SV2B: variants seen among roughly 807,000 people sequenced by gnomAD.
SV2B encodes solute carrier family 22 member B2.
In SV2B, 41 loss-of-function variants were observed where a neutral mutation model predicts 73.9. That is an observed-to-expected ratio of 0.56 (90% CI 0.43 to 0.72). The LOEUF is 0.72. SV2B is among the 30% of genes least tolerant of loss of function. The pLI, the probability that SV2B is intolerant of heterozygous loss-of-function variation, is 0.00. For missense variants in SV2B, 764 were observed against 857.8 expected, an observed-to-expected ratio of 0.89 and a Z score of 1.37; for synonymous variants, 314 against 314.2, an observed-to-expected ratio of 1.00 and a Z score of 0.01.
At chr15:91,169,464 G>A (rs1403752476) in intron 1 of SV2B, among the ~76,000 whole-genome samples, 2 of 146,076 alleles carry the variant, frequency 1.4e-5, no homozygotes, top group Admixed American at 7.0e-5. Flanking sequence ...TATTTAAGGA[G>A]AACTTAGTAA....
intron 1 of SV2B, chr15:91,102,031 C>G (rs1483722234): frequency 6.6e-6 from 1 of 152,154 alleles, no homozygotes; most frequent in Non-Finnish European, 1.5e-5. Flanking sequence ...CTGTTCTTGT[C>G]CCAGCCCAGT....
rs1436837464 is a variant in SV2B, at chr15:91,281,983, A to G, written c.1507+122A>G. On this transcript the variant is annotated intron_variant, in intron 10 of 12. Coordinates refer to ENST00000394232, the MANE Select transcript of SV2B (RefSeq NM_001323032.3). The surrounding 1 kb of genome is among the most constrained non-coding windows in gnomAD (Gnocchi z 4.7). ...AAAGTATTCGTAGATACAAATGCCA[A>G]GCCTTGGTGGGGAAATGGATTTTAG... 15 of 1,195,330 alleles carry G rather than the reference A, an allele frequency of 1.3e-5. No individual in the cohort carries two copies. The highest frequency in any genetic ancestry group is 1.7e-5 in the Non-Finnish European group (15 of 893,912). 74.0% of individuals were successfully genotyped at this position (1,195,330 alleles called of 1,614,324 possible).
chr15:91,147,800 G>T (rs2043187578), intron 1 of SV2B, among the ~76,000 whole-genome samples: 1 of 151,972 alleles, frequency 6.6e-6, no homozygotes, highest in African/African-American at 2.4e-5. Context: ...AGATATTGGG[G>T]CTGGTCTTAT....
At position 91,118,611 on chromosome 15, in the gene SV2B, C is replaced by T. The variant is rs1164781514; in HGVS notation, c.-392+18248C>T. Among the ~76,000 whole-genome samples the T allele has an allele frequency of 1.3e-5, 2 of 152,186 alleles. No homozygotes were observed. Among genetic ancestry groups the T allele is most frequent in the Non-Finnish European group, 2.9e-5 (2 of 68,014 alleles). ...GTGTGGACAGCTGGAGGGTCTGAAG[C>T]GGGACCCAGCTGCCCCTTTCTGAGA... On this transcript the variant is annotated intron_variant, in intron 1 of 12. Transcript: ENST00000394232. The surrounding 1 kb of genome is among the most constrained non-coding windows in gnomAD (Gnocchi z 4.7).
At position 91,296,918 on chromosome 15, in the gene SV2B, CTTCTGCCCGATCGTTGGGAGCACGCTCA is replaced by C. The variant is rs2049266299; in HGVS notation, c.*4378_*4405del. ...CTGCCCGATCGTTGGGCGCATGCTC[CTTCTGCCCGATCGTTGGGAGCACGCTCA>C]TTCTGCCCGATTGTTGGGAGCACGC... On this transcript the variant is annotated 3_prime_UTR_variant, in exon 13 of 13. Transcript: ENST00000394232. 1.3e-5 allele frequency: 2 copies of C among 149,636 alleles called. No homozygotes were observed. Among genetic ancestry groups the C allele is most frequent in the Admixed American group, 6.7e-5 (1 of 14,956 alleles). The allele number at this position is 149,636 out of a possible 1,614,324, so 9.3% of individuals were successfully genotyped here. A position where few individuals can be genotyped will look rare whatever the true frequency, so the allele number is the denominator to read the frequency against.
intron 1 of SV2B, among the ~76,000 whole-genome samples, chr15:91,152,583 CAT>C (rs1303140709): frequency 6.6e-6 from 1 of 152,164 alleles, no homozygotes; most frequent in Non-Finnish European, 1.5e-5. Flanking sequence ...GTATTGCTTT[CAT>C]ATATTCAAAG....
chr15:91,285,496 C>T (rs777370710), intron 11 of SV2B, among the ~76,000 whole-genome samples: 1 of 152,194 alleles, frequency 6.6e-6, no homozygotes, highest in Non-Finnish European at 1.5e-5. Context: ...GCCCCAAACA[C>T]CAAGCTTTCA....
chr15:91,226,396 A>G lies in SV2B; in HGVS notation c.133A>G (p.Ile45Val). 1.2e-6 allele frequency: 2 copies of G among 1,614,168 alleles called. No individual in the cohort carries two copies. Among genetic ancestry groups the G allele is most frequent in the Non-Finnish European group, 1.7e-6 (2 of 1,180,012 alleles). The change falls in exon 2 of 13, where the codon ATC (isoleucine) becomes GTC (valine). Residue 45 changes from isoleucine (I) to valine (V), a missense_variant. By Grantham distance (29) the Ile-to-Val change is conservative. Coordinates refer to ENST00000394232, the MANE Select transcript of SV2B (RefSeq NM_001323032.3). ...CGAAGGCCATGATGAGGAAGACGAG[A>G]TCTATGAGGGCGAGTACCAGGGTAT... Reference protein sequence around the residue: ...VTEGHDEEDEIYEGEYQGIPH... With the variant: ...VTEGHDEEDEVYEGEYQGIPH...
rs1208986809 is a variant in SV2B at position 91,239,942 on chromosome 15, AGTCTTAT to A, written c.452-11875_452-11869del. 6.6e-6 allele frequency among the ~76,000 whole-genome samples: 1 copy of A among 152,174 alleles called. No homozygotes were observed. The highest frequency in any genetic ancestry group is 1.5e-5 in the Non-Finnish European group (1 of 68,032). ...CCAATCACCTGGCAGGTGTCCACCA[AGTCTTAT>A]GGCTTGCCTGGATTAATCACTGGCA... On this transcript the variant is annotated intron_variant, in intron 2 of 12. Coordinates refer to ENST00000394232, the MANE Select transcript of SV2B (RefSeq NM_001323032.3). The surrounding 1 kb of genome is among the most constrained non-coding windows in gnomAD (Gnocchi z 5.1).
intron 1 of SV2B, among the ~76,000 whole-genome samples, chr15:91,131,615 G>A (rs1388128638): frequency 1.3e-5 from 2 of 151,580 alleles, no homozygotes; most frequent in East Asian, 3.9e-4. Context: ...CGTCAGCCTG[G>A]GCAACATAGT....
chr15:91,283,394 T>A lies in SV2B; in HGVS notation c.1508-627T>A, dbSNP rs1165256713. ...TGCCGTGGCCCTCAGTGTCTCAGTG[T>A]CACCTGATTGGTACAAACAGGACTG... On this transcript the variant is annotated intron_variant, in intron 10 of 12. Coordinates refer to ENST00000394232, the MANE Select transcript of SV2B (RefSeq NM_001323032.3). This position sits in a 1 kb window ranked among gnomAD's most constrained non-coding sequence, Gnocchi z 4.3. Among the ~76,000 whole-genome samples, 2 of 152,072 alleles carry A rather than the reference T, an allele frequency of 1.3e-5. No individual in the cohort carries two copies. Among genetic ancestry groups the A allele is most frequent in the African/African-American group, 4.8e-5 (2 of 41,412 alleles).
chr15:91,283,409 A>C lies in SV2B; in HGVS notation c.1508-612A>C, dbSNP rs899963673. Among the ~76,000 whole-genome samples, 6 of 151,908 alleles carry C rather than the reference A, an allele frequency of 3.9e-5. No individual in the cohort carries two copies. Among genetic ancestry groups the C allele is most frequent in the Admixed American group, 6.6e-5 (1 of 15,266 alleles). On this transcript the variant is annotated intron_variant, in intron 10 of 12. Coordinates refer to ENST00000394232, the MANE Select transcript of SV2B (RefSeq NM_001323032.3). This position sits in a 1 kb window ranked among gnomAD's most constrained non-coding sequence, Gnocchi z 4.3. ...TGTCTCAGTGTCACCTGATTGGTAC[A>C]AACAGGACTGTTATCCAGCTGGAGA...
At chr15:91,202,886 C>A (rs546779657) in intron 1 of SV2B, among the ~76,000 whole-genome samples, 44 of 152,204 alleles carry the variant, frequency 2.9e-4, no homozygotes, top group African/African-American at 1.1e-3. Context: ...TTGGGTAAGG[C>A]AAACCCTCTC....
chr15:91,276,670 A>G (rs1424349695), intron 9 of SV2B, among the ~76,000 whole-genome samples: 1 of 151,812 alleles, frequency 6.6e-6, no homozygotes, highest in East Asian at 1.9e-4. Flanking sequence ...TGAATCTTAT[A>G]GCTTGCATCT....
Position 91,267,678 on chromosome 15 carries a change from T to C in SV2B, c.1208+35T>C. ...GTCTTACTTAAATTTCGTAATTCCC[T>C]GTGCCTCAGTGGCCTCCTTTACACA... On this transcript the variant is annotated intron_variant, in intron 8 of 12. Transcript: ENST00000394232. The surrounding 1 kb of genome is among the most constrained non-coding windows in gnomAD (Gnocchi z 4.3). 6.7e-7 allele frequency: 1 copy of C among 1,501,300 alleles called. No individual in the cohort carries two copies. Among genetic ancestry groups the C allele is most frequent in the East Asian group, 2.3e-5 (1 of 43,980 alleles). The allele number at this position is 1,501,300 out of a possible 1,614,324, so 93.0% of individuals were successfully genotyped here.
Position 91,163,779 on chromosome 15 carries a change from T to G in SV2B, c.-391-62094T>G, listed in dbSNP as rs1236176388. Among the ~76,000 whole-genome samples, 4 of 152,230 alleles carry G rather than the reference T, an allele frequency of 2.6e-5. No homozygotes were observed. In the East Asian group the frequency reaches 7.7e-4, roughly 29 times the overall value. ...GCTCTTTAGTTTAATTAGATCCCAT[T>G]AGTCAATTTTGGCTTTTGTTGCCAT... On this transcript the variant is annotated intron_variant, in intron 1 of 12. Transcript: ENST00000394232.
At position 91,209,114 on chromosome 15, in the gene SV2B, GTTTTT is replaced by G. The variant is rs903531189; in HGVS notation, c.-391-16738_-391-16734del. 2.2e-4 allele frequency among the ~76,000 whole-genome samples: 20 copies of G among 89,984 alleles called. No individual in the cohort carries two copies. In the South Asian group the frequency reaches 3.8e-3, roughly 17 times the overall value. The allele number at this position is 89,984 out of a possible 152,430, so 59.0% of individuals were successfully genotyped here. A position where few individuals can be genotyped will look rare whatever the true frequency, so the allele number is the denominator to read the frequency against. On this transcript the variant is annotated intron_variant, in intron 1 of 12. Transcript: ENST00000394232. ...AGTGACTGTGGCAGTACTGTTTTTT[GTTTTT>G]TTTTTTTTTTTTTTTTTTTTGAGAC...
intron 4 of SV2B, among the ~76,000 whole-genome samples, chr15:91,257,514 T>C (rs2047739975): frequency 6.6e-6 from 1 of 152,230 alleles, no homozygotes; most frequent in Non-Finnish European, 1.5e-5. Flanking sequence ...GAATAGGAGC[T>C]AGTTATCTTC....
At chr15:91,190,021 C>T (rs1421123067) in intron 1 of SV2B, among the ~76,000 whole-genome samples, 1 of 151,814 alleles carries the variant, frequency 6.6e-6, no homozygotes, top group African/African-American at 2.4e-5. Flanking sequence ...AAGAAAAATT[C>T]CTTGATATTT....
Sources: allele counts gnomAD v4.1 joint callset (sites outside exome capture counted in the v4.1 genomes callset), GRCh38; gene constraint gnomAD v4.1.1; non-coding constraint Gnocchi (gnomAD v3.1); transcripts MANE v1.5; gene names NCBI Gene and HGNC (gene_info 2026-07-23, HGNC 2026-07-21).